Variants in DOCK10 observed in about 807,000 individuals in gnomAD.
DOCK10 encodes dedicator of cytokinesis protein 10.
In DOCK10, 145 loss-of-function variants were observed where a neutral mutation model predicts 280.1. The observed-to-expected ratio is 0.52, with a 90% CI of 0.45 to 0.59. The LOEUF (loss-of-function observed/expected upper bound fraction) is 0.59. DOCK10 is among the 20% of genes least tolerant of loss of function. DOCK10 has a pLI of 0.00. For missense variants in DOCK10, 2,368 were observed against 2,651.7 expected (o/e 0.89, Z 2.35); for synonymous variants, 915 against 942.2 (o/e 0.97, Z 0.53).
At chr2:224,930,494 C>A (rs969061035) in intron 2 of DOCK10, among the ~76,000 whole-genome samples, 1 of 151,768 alleles carries the variant, frequency 6.6e-6, no homozygotes, top group African/African-American at 2.4e-5. Flanking sequence ...CTCCTTTTTT[C>A]CATGATTCTT....
chr2:224,799,309 T>A (rs565933379), intron 41 of DOCK10, among the ~76,000 whole-genome samples: 3 of 152,382 alleles, frequency 2.0e-5, no homozygotes, highest in Admixed American at 1.3e-4. Context: ...TTTCTTGGGT[T>A]TCACCCATGT....
At chr2:224,846,754 C>T (rs1323043865) in intron 19 of DOCK10, among the ~76,000 whole-genome samples, 6 of 152,146 alleles carry the variant, frequency 3.9e-5, no homozygotes, top group Admixed American at 6.5e-5. Flanking sequence ...CTCGGCCTCC[C>T]GAAGTGCTGG....
At chr2:224,826,498 T>C (rs1694862093) in intron 27 of DOCK10, among the ~76,000 whole-genome samples, 1 of 151,688 alleles carries the variant, frequency 6.6e-6, no homozygotes, top group Non-Finnish European at 1.5e-5. Flanking sequence ...ATTCCTTTAA[T>C]AGTGGAGAAA....
intron 14 of DOCK10, chr2:224,860,565 T>C (rs1484468356): frequency 6.6e-6 from 1 of 152,094 alleles, no homozygotes; most frequent in Non-Finnish European, 1.5e-5. Flanking sequence ...AGAGCGTTTT[T>C]TTTTTCTTTT....
At chr2:224,827,212 G>A (rs1694925302) in intron 27 of DOCK10, among the ~76,000 whole-genome samples, 1 of 143,794 alleles carries the variant, frequency 7.0e-6, no homozygotes, top group Non-Finnish European at 1.5e-5. Context: ...GCAGTGAGCC[G>A]AGATCGTGCC....
intron 3 of DOCK10, among the ~76,000 whole-genome samples, chr2:224,908,994 A>C (rs55840796): frequency 6.6e-6 from 1 of 152,072 alleles, no homozygotes; most frequent in South Asian, 2.1e-4. Flanking sequence ...TCTCTCAGCC[A>C]TTCAGCTGAA....
At chr2:224,913,007 C>G (rs1189031186) in intron 3 of DOCK10, among the ~76,000 whole-genome samples, 4 of 151,444 alleles carry the variant, frequency 2.6e-5, no homozygotes, top group Non-Finnish European at 5.9e-5. Context: ...GCCTGGGTGA[C>G]AGAGGAAAGA....
chr2:224,997,664 G>A (rs1706312961), intron 1 of DOCK10, among the ~76,000 whole-genome samples: 2 of 149,232 alleles, frequency 1.3e-5, no homozygotes, highest in Non-Finnish European at 3.0e-5. Context: ...TGGAGGGCGG[G>A]AGGAGAGGAG....
At chr2:224,995,577 A>G (rs1175213785) in intron 1 of DOCK10, among the ~76,000 whole-genome samples, 1 of 152,214 alleles carries the variant, frequency 6.6e-6, no homozygotes, top group African/African-American at 2.4e-5. Context: ...TGCGTAGCAT[A>G]GGTGTCCACA....
chr2:224,781,118 T>C (rs3768874), intron 50 of DOCK10, among the ~76,000 whole-genome samples: 1 of 151,674 alleles, frequency 6.6e-6, no homozygotes, highest in African/African-American at 2.4e-5. Flanking sequence ...TGATGAAAAA[T>C]CTCTGTATCT....
intron 1 of DOCK10, among the ~76,000 whole-genome samples, chr2:225,027,662 T>C (rs1237750769): frequency 1.3e-5 from 2 of 152,106 alleles, no homozygotes; most frequent in Admixed American, 1.3e-4. Flanking sequence ...CACTTCCCCT[T>C]TGCCTTCCTC....
intron 14 of DOCK10, chr2:224,862,004 G>A (rs1417641492): frequency 6.6e-6 from 1 of 152,222 alleles, no homozygotes; most frequent in African/African-American, 2.4e-5. Flanking sequence ...CACTAATAAA[G>A]ATGTAAAGAG....
chr2:224,791,231 T>C (rs1692172543), intron 47 of DOCK10, among the ~76,000 whole-genome samples: 1 of 152,202 alleles, frequency 6.6e-6, no homozygotes, highest in African/African-American at 2.4e-5. Flanking sequence ...CATCTGGTTA[T>C]GATAAGCAAT....
chr2:224,870,513 G>T (rs1164816523), intron 11 of DOCK10, among the ~76,000 whole-genome samples: 1 of 152,000 alleles, frequency 6.6e-6, no homozygotes, highest in Non-Finnish European at 1.5e-5. Flanking sequence ...CCTCCACTTT[G>T]CCATGTCTAC....
intron 4 of DOCK10, among the ~76,000 whole-genome samples, chr2:224,888,490 G>A (rs1223138175): frequency 6.6e-6 from 1 of 151,692 alleles, no homozygotes; most frequent in Non-Finnish European, 1.5e-5. Context: ...ATACATGTGT[G>A]TGTATAGCAT....
Position 224,765,754 on chromosome 2 carries a change from G to A in DOCK10, c.6528C>T (p.Pro2176=), listed in dbSNP as rs375642698. Residue 2176 remains proline (P), a synonymous_variant, in exon 56 of 56, where the codon CCC becomes CCT. Coordinates refer to ENST00000258390, the MANE Select transcript of DOCK10 (RefSeq NM_014689.3). ...RVISKATPAL[P]TVSISSSAEV is the part of the protein sequence containing the mutation. ...CAGCACTAGATGAGATGGAGACCGT[G>A]GGTAGGGCCGGAGTTGCTTTGCTAA... 8.7e-6 allele frequency: 14 copies of A among 1,613,754 alleles called. 1 individual carries two copies. The highest frequency in any genetic ancestry group is 7.7e-5 in the South Asian group (7 of 91,056).
At chr2:224,836,144 G>A (rs957974317) in intron 25 of DOCK10, among the ~76,000 whole-genome samples, 5 of 152,212 alleles carry the variant, frequency 3.3e-5, no homozygotes, top group Non-Finnish European at 7.3e-5. Context: ...GTGTAAGATG[G>A]ATCAGTAACT....
At chr2:225,000,967 C>T (rs1344750272) in intron 1 of DOCK10, among the ~76,000 whole-genome samples, 1 of 152,130 alleles carries the variant, frequency 6.6e-6, no homozygotes, top group Non-Finnish European at 1.5e-5. Flanking sequence ...GAGTGAGACT[C>T]CATCTCAAAA....
intron 1 of DOCK10, among the ~76,000 whole-genome samples, chr2:225,016,347 G>A (rs1266858248): frequency 1.3e-5 from 2 of 151,808 alleles, no homozygotes; most frequent in Non-Finnish European, 2.9e-5. Flanking sequence ...ATAATGTATT[G>A]TAATTGGTAT....
Sources: allele counts gnomAD v4.1 joint callset (sites outside exome capture counted in the v4.1 genomes callset), GRCh38; gene constraint gnomAD v4.1.1; transcripts MANE v1.5; gene names NCBI Gene and HGNC (gene_info 2026-07-23, HGNC 2026-07-21).